The following C8A variants were observed in gnomAD, a reference collection of about 807,000 sequenced individuals.
C8A encodes the protein complement C8 alpha chain.
In C8A, 67 loss-of-function variants were observed where a neutral mutation model predicts 65.3. That is an observed-to-expected ratio of 1.03 (90% CI 0.84 to 1.26). C8A has a LOEUF of 1.26. C8A is among the 50% of genes most tolerant of loss of function. The probability of loss-of-function intolerance (pLI) is 0.00; values close to 1 mark genes in which losing one functional copy is unlikely to be tolerated. For synonymous variants in C8A, 290 were observed against 259.4 expected (o/e 1.12, Z -1.13); for missense variants, 781 against 723.9 (o/e 1.08, Z -0.90).
intron 1 of C8A, among the ~76,000 whole-genome samples, chr1:56,865,539 T>A (rs1047183721): frequency 1.3e-4 from 20 of 152,164 alleles, no homozygotes; most frequent in Non-Finnish European, 2.4e-4. Context: ...AGATTGGGGA[T>A]TAGGTTTCAA....
intron 6 of C8A, among the ~76,000 whole-genome samples, chr1:56,885,108 C>G: frequency 6.6e-6 from 1 of 151,560 alleles, no homozygotes; most frequent in Non-Finnish European, 1.5e-5. Flanking sequence ...ATTGTAGTAG[C>G]TCACCCAGGT....
intron 7 of C8A, among the ~76,000 whole-genome samples, chr1:56,893,665 A>G (rs1644366171): frequency 6.6e-6 from 1 of 152,210 alleles, no homozygotes; most frequent in Non-Finnish European, 1.5e-5. Context: ...AATCATGGGC[A>G]GATAATTTAA....
chr1:56,916,906 T>G (rs1396394347), intron 10 of C8A, among the ~76,000 whole-genome samples: 1 of 152,184 alleles, frequency 6.6e-6, no homozygotes, highest in Non-Finnish European at 1.5e-5. Flanking sequence ...GCGGCTCCAT[T>G]GCCAGAATCT....
Position 56,881,425 on chromosome 1 carries a change from A to T in C8A, c.465-20A>T, listed in dbSNP as rs754718822. 1 of 1,612,990 alleles carries T rather than the reference A, an allele frequency of 6.2e-7. No individual in the cohort carries two copies. Among genetic ancestry groups the T allele is most frequent in the Admixed American group, 1.7e-5 (1 of 59,952 alleles). On this transcript the variant is annotated intron_variant, in intron 4 of 10. Coordinates refer to ENST00000361249, the MANE Select transcript of C8A (RefSeq NM_000562.3). ...ACCCAGCATCCACTAGCTATTTAGA[A>T]GCTGCTTTGTTCCATGTAGGTACAA... is the stretch of plus-strand genomic sequence containing the variant.
Position 56,881,501 on chromosome 1 carries a change from G to T in C8A, c.521G>T (p.Gly174Val), listed in dbSNP as rs773761761. The T allele has an allele frequency of 6.2e-7, 1 of 1,613,802 alleles. No individual in the cohort carries two copies. Among genetic ancestry groups the T allele is most frequent in the Non-Finnish European group, 8.5e-7 (1 of 1,179,786 alleles). The change falls in exon 5 of 11, where the codon GGG (glycine) becomes GTG (valine). Residue 174 changes from glycine to valine, a missense_variant. Transcript: ENST00000361249. Reference protein sequence around the residue: ...AQSVYDASYYGGQCETVYNGE... With the variant: ...AQSVYDASYYVGQCETVYNGE... Reference sequence around the variant, plus strand: ...AGTGTGTACGATGCCAGTTATTATGGGGGCCAGTGTGAGACGGTATACAAT... The same window carrying T: ...AGTGTGTACGATGCCAGTTATTATGTGGGCCAGTGTGAGACGGTATACAAT...
chr1:56,883,749 T>C, intron 6 of C8A, 68 bp downstream of exon 6: 1 of 1,348,846 alleles, frequency 7.4e-7, no homozygotes, highest in Non-Finnish European at 1.0e-6. Flanking sequence ...TTACCTTAAT[T>C]GCATTAAAAA....
At chr1:56,865,353 T>A (rs6669054) in intron 1 of C8A, among the ~76,000 whole-genome samples, 2 of 152,274 alleles carry the variant, frequency 1.3e-5, no homozygotes, top group Non-Finnish European at 2.9e-5. Flanking sequence ...ATTCAGTGTC[T>A]GGTGAGGGCC....
At chr1:56,906,159 A>G (rs944586323) in intron 7 of C8A, among the ~76,000 whole-genome samples, 12 of 152,216 alleles carry the variant, frequency 7.9e-5, no homozygotes, top group African/African-American at 2.9e-4. Context: ...CACAGAGAAC[A>G]TCGGTAGCTC....
chr1:56,886,462 T>G (rs1644301286), intron 7 of C8A, among the ~76,000 whole-genome samples: 1 of 152,210 alleles, frequency 6.6e-6, no homozygotes, highest in Admixed American at 6.5e-5. Context: ...GGGGATTTTG[T>G]TATTTAAAAT....
chr1:56,880,267 A>T lies in C8A; in HGVS notation c.465-1178A>T, dbSNP rs142764083. ...GGTAAAACCATCCATATCCTAAAAC[A>T]TGGAACCCGGGTTGATGATTTTTAA... On this transcript the variant is annotated intron_variant, in intron 4 of 10. Coordinates refer to ENST00000361249, the MANE Select transcript of C8A (RefSeq NM_000562.3). Among the ~76,000 whole-genome samples the T allele has an allele frequency of 3.5e-3, 530 of 152,202 alleles. 4 individuals carry two copies. The highest frequency in any genetic ancestry group is 0.012 in the African/African-American group (510 of 41,528).
intron 7 of C8A, among the ~76,000 whole-genome samples, chr1:56,893,114 A>G (rs1048094856): frequency 6.6e-6 from 1 of 152,110 alleles, no homozygotes; most frequent in Admixed American, 6.5e-5. Flanking sequence ...TTTTTTTTTA[A>G]TCTAGGCTCT....
At chr1:56,885,407 TTTATTTAAATATA>T (rs1644288237) in intron 6 of C8A, among the ~76,000 whole-genome samples, 17 of 122,524 alleles carry the variant, frequency 1.4e-4, no homozygotes, top group Non-Finnish European at 2.7e-4. Flanking sequence ...TAAATATATA[TTTATTTAAATATA>T]TATTTAAATA....
At chr1:56,906,636 C>T (rs762728849) in intron 7 of C8A, 31 bp from the exon 8 acceptor site, 8 of 1,613,440 alleles carry the variant, frequency 5.0e-6, no homozygotes, top group Non-Finnish European at 6.8e-6. Flanking sequence ...AATAACTCAG[C>T]ATTTTGTGTT....
intron 10 of C8A, among the ~76,000 whole-genome samples, chr1:56,916,019 G>A (rs1644548388): frequency 6.6e-6 from 1 of 152,118 alleles, no homozygotes; most frequent in African/African-American, 2.4e-5. Flanking sequence ...TGACTTGCTA[G>A]GATCCCTGTC....
intron 6 of C8A, among the ~76,000 whole-genome samples, chr1:56,885,240 A>T (rs1050939869): frequency 6.8e-6 from 1 of 147,694 alleles, no homozygotes; most frequent in African/African-American, 2.5e-5. Context: ...CTCCAATTAC[A>T]TGTATTTATG....
At chr1:56,885,370 TTATATTTATTTAAATA>T (rs1350879587) in intron 6 of C8A, among the ~76,000 whole-genome samples, 2 of 68,606 alleles carry the variant, frequency 2.9e-5, no homozygotes, top group South Asian at 4.2e-4. Context: ...AAATATATAT[TTATATTTATTTAAATA>T]TATATTTAAA....
chr1:56,885,517 A>T (rs1421320490), intron 6 of C8A, among the ~76,000 whole-genome samples: 1 of 143,870 alleles, frequency 7.0e-6, no homozygotes, highest in Admixed American at 7.0e-5. Flanking sequence ...TATTTCTTAC[A>T]GCTACTAAAA....
At chr1:56,915,299 T>C (rs1338894196) in intron 10 of C8A, among the ~76,000 whole-genome samples, 2 of 152,118 alleles carry the variant, frequency 1.3e-5, no homozygotes, top group Non-Finnish European at 2.9e-5. Context: ...AATGACCTTA[T>C]GAAGGAGCAT....
intron 2 of C8A, among the ~76,000 whole-genome samples, chr1:56,874,707 T>C (rs1483955980): frequency 1.3e-5 from 2 of 152,176 alleles, no homozygotes; most frequent in African/African-American, 2.4e-5. Context: ...ACCCTAGAAA[T>C]ATCTTGTCCA....
Sources: gnomAD v4.1 joint callset for allele counts (sites outside exome capture counted in the v4.1 genomes callset) on GRCh38, gnomAD v4.1.1 for gene constraint, MANE v1.5 for transcripts, NCBI Gene and HGNC (gene_info 2026-07-23, HGNC 2026-07-21) for gene names.